Variants in NAV3 observed in about 807,000 individuals in gnomAD.
NAV3 encodes pore membrane and/or filament interacting like protein 1.
A neutral mutation model predicts 244.7 loss-of-function variants in NAV3; 87 were observed. That is an observed-to-expected ratio of 0.36 (90% CI 0.30 to 0.42). The LOEUF is 0.42. Ranked by LOEUF, NAV3 falls within the 20% of genes least tolerant of loss-of-function variation. The pLI, the probability that NAV3 is intolerant of heterozygous loss-of-function variation, is 1.00. For missense variants in NAV3, 2,663 were observed against 2,893.3 expected (o/e 0.92, Z 1.83); for synonymous variants, 1,126 against 1,042.2 (o/e 1.08, Z -1.55).
intron 12 of NAV3, among the ~76,000 whole-genome samples, chr12:78,093,435 G>T (rs1318721961): frequency 2.0e-5 from 3 of 152,162 alleles, no homozygotes; most frequent in Non-Finnish European, 4.4e-5. Flanking sequence ...AGAACAGAGG[G>T]AACATTTTGA....
intron 2 of NAV3, among the ~76,000 whole-genome samples, chr12:77,687,682 G>GA (rs1234128380): frequency 6.6e-6 from 1 of 152,142 alleles, no homozygotes; most frequent in Non-Finnish European, 1.5e-5. Context: ...AAACTCATGA[G>GA]AAAAAACTGG....
At chr12:77,589,912 C>T (rs1283582246) in intron 2 of NAV3, among the ~76,000 whole-genome samples, 3 of 152,222 alleles carry the variant, frequency 2.0e-5, no homozygotes, top group African/African-American at 7.2e-5. Context: ...GATCAATTTG[C>T]TTAATCACAT....
intron 2 of NAV3, among the ~76,000 whole-genome samples, chr12:77,664,378 G>T (rs1425073583): frequency 6.6e-6 from 1 of 152,176 alleles, no homozygotes; most frequent in Non-Finnish European, 1.5e-5. Flanking sequence ...TTTCCTGGAA[G>T]AGTTGGCTAA....
chr12:78,083,097 G>A (rs1953444778), intron 12 of NAV3, among the ~76,000 whole-genome samples: 1 of 152,198 alleles, frequency 6.6e-6, no homozygotes, highest in Non-Finnish European at 1.5e-5. Context: ...GTTCAAGGTT[G>A]AGCACTACAT....
At chr12:77,582,661 A>G (rs1869419706) in intron 2 of NAV3, among the ~76,000 whole-genome samples, 2 of 152,226 alleles carry the variant, frequency 1.3e-5, no homozygotes, top group African/African-American at 2.4e-5. Flanking sequence ...CAGCCACCAG[A>G]TAACCCACAA....
chr12:77,976,661 TCTTTCTTTTTTTC>T (rs1868440985), intron 5 of NAV3, among the ~76,000 whole-genome samples: 4 of 92,704 alleles, frequency 4.3e-5, no homozygotes, highest in African/African-American at 1.8e-4. Context: ...TTTCTTTCTT[TCTTTCTTTTTTTC>T]TTTTTTTTTT....
intron 2 of NAV3, among the ~76,000 whole-genome samples, chr12:77,717,446 T>C (rs1876412731): frequency 6.6e-6 from 1 of 152,154 alleles, no homozygotes; most frequent in South Asian, 2.1e-4. Context: ...TAGCATATTA[T>C]AGAATTTCCT....
Position 78,050,773 on chromosome 12 carries a change from G to A in NAV3, c.2142G>A (p.Glu714=), listed in dbSNP as rs2137244324. The change falls in exon 11 of 40, where the codon GAG becomes GAA. Residue 714 remains glutamate, a synonymous_variant. Coordinates refer to ENST00000397909, the MANE Select transcript of NAV3 (RefSeq NM_001024383.2). ...CCATTTTATTTGACAGCACCCTGGA[G>A]ACAACATTTGACAGCACTGTGACAA... ...RGTQISHSTL[E]TTFDSTVTTE... The A allele has an allele frequency of 1.3e-6, 2 of 1,595,008 alleles. No homozygotes were observed. Among genetic ancestry groups the A allele is most frequent in the South Asian group, 1.1e-5 (1 of 89,588 alleles).
intron 2 of NAV3, among the ~76,000 whole-genome samples, chr12:77,740,242 G>A (rs1868301938): frequency 6.6e-6 from 1 of 152,190 alleles, no homozygotes; most frequent in African/African-American, 2.4e-5. Flanking sequence ...CTACTTTTCA[G>A]TTCCTATATT....
intron 12 of NAV3, among the ~76,000 whole-genome samples, chr12:78,093,031 A>G (rs1954047789): frequency 6.6e-6 from 1 of 152,194 alleles, no homozygotes; most frequent in African/African-American, 2.4e-5. Flanking sequence ...ATTTGGTCAA[A>G]TCCTGGTGTA....
At chr12:77,680,781 G>A (rs900282027) in intron 2 of NAV3, among the ~76,000 whole-genome samples, 1 of 152,100 alleles carries the variant, frequency 6.6e-6, no homozygotes, top group African/African-American at 2.4e-5. Flanking sequence ...TTAAAAGAGA[G>A]TCTTGGTTTC....
At chr12:78,127,268 G>A (rs960988622) in intron 17 of NAV3, 60 bp downstream of exon 17, 2 of 1,493,770 alleles carry the variant, frequency 1.3e-6, no homozygotes, top group East Asian at 2.3e-5. Flanking sequence ...TTTGTGTGCT[G>A]TCTCTCTTCC....
chr12:77,802,527 A>G (rs1301151505), intron 2 of NAV3, among the ~76,000 whole-genome samples: 1 of 152,248 alleles, frequency 6.6e-6, no homozygotes, highest in Non-Finnish European at 1.5e-5. Context: ...AATAGTTACG[A>G]AAAACAGAAG....
intron 6 of NAV3, among the ~76,000 whole-genome samples, chr12:77,997,178 C>T (rs1872494710): frequency 7.3e-6 from 1 of 137,388 alleles, no homozygotes; most frequent in Non-Finnish European, 1.5e-5. Context: ...GCAAAGGTTG[C>T]AGTGGGCTGA....
chr12:77,631,318 T>G (rs1871884294), intron 2 of NAV3, among the ~76,000 whole-genome samples: 1 of 152,020 alleles, frequency 6.6e-6, no homozygotes, highest in Non-Finnish European at 1.5e-5. Flanking sequence ...GGGTACCATT[T>G]GGCAAGTAGC....
intron 1 of NAV3, among the ~76,000 whole-genome samples, chr12:77,895,783 G>A (rs866718017): frequency 8.3e-6 from 1 of 120,962 alleles, no homozygotes; most frequent in Non-Finnish European, 1.7e-5. Flanking sequence ...TTACCCAAAT[G>A]TTCCTTTTTA....
intron 3 of NAV3, among the ~76,000 whole-genome samples, chr12:77,955,289 T>G (rs1240927101): frequency 6.6e-6 from 1 of 152,124 alleles, no homozygotes; most frequent in Admixed American, 6.6e-5. Flanking sequence ...AGTTCACATA[T>G]AGCTCCTTCC....
intron 2 of NAV3, among the ~76,000 whole-genome samples, chr12:77,667,717 G>T (rs1002067244): frequency 6.6e-6 from 1 of 151,978 alleles, no homozygotes. Flanking sequence ...TAGCTCTATG[G>T]CCCTGTCCAC....
At chr12:78,009,182 G>A (rs1462823650) in intron 8 of NAV3, among the ~76,000 whole-genome samples, 1 of 152,198 alleles carries the variant, frequency 6.6e-6, no homozygotes, top group East Asian at 1.9e-4. Flanking sequence ...AAAACAGGAA[G>A]CAGCACAGCA....
Sources: allele counts gnomAD v4.1 joint callset (sites outside exome capture counted in the v4.1 genomes callset), GRCh38; gene constraint gnomAD v4.1.1; transcripts MANE v1.5; gene names NCBI Gene and HGNC (gene_info 2026-07-23, HGNC 2026-07-21).